PRKG1: variants seen among roughly 807,000 people sequenced by gnomAD.
The protein encoded by PRKG1 is protein kinase cGMP-dependent 1.
In PRKG1, 35 loss-of-function variants were observed where a neutral mutation model predicts 88.1. That is an observed-to-expected ratio of 0.40 (90% CI 0.30 to 0.53). PRKG1 has a LOEUF of 0.53. Ranked by LOEUF, PRKG1 falls within the 20% of genes least tolerant of loss-of-function variation. PRKG1 has a pLI of 0.59. For synonymous variants in PRKG1, 303 were observed against 292.5 expected (o/e 1.04, Z -0.37); for missense variants, 540 against 839.8 (o/e 0.64, Z 4.41).
chr10:51,559,316 T>C (rs1008867122), intron 3 of PRKG1, among the ~76,000 whole-genome samples: 8 of 152,090 alleles, frequency 5.3e-5, no homozygotes, highest in Non-Finnish European at 8.8e-5. Flanking sequence ...GCAGGCTCCA[T>C]TGATTTTCCC....
intron 4 of PRKG1, among the ~76,000 whole-genome samples, chr10:51,806,072 T>C (rs1484831306): frequency 1.3e-5 from 2 of 152,176 alleles, no homozygotes; most frequent in East Asian, 3.8e-4. Context: ...TATGTGTGTG[T>C]ATGATGAAAG....
At chr10:51,205,329 G>T (rs1350783609) in intron 2 of PRKG1, among the ~76,000 whole-genome samples, 2 of 150,030 alleles carry the variant, frequency 1.3e-5, no homozygotes, top group African/African-American at 2.5e-5. Context: ...GTGAGATGGG[G>T]TTTCACCATC....
chr10:51,515,501 A>T (rs1425921346), intron 3 of PRKG1, among the ~76,000 whole-genome samples: 2 of 152,114 alleles, frequency 1.3e-5, no homozygotes. Context: ...CAACCTGAAA[A>T]TTTTTTGCTC....
At chr10:51,368,394 A>T (rs1282408556) in intron 2 of PRKG1, among the ~76,000 whole-genome samples, 1 of 152,018 alleles carries the variant, frequency 6.6e-6, no homozygotes, top group African/African-American at 2.4e-5. Flanking sequence ...CCTGCTATGG[A>T]TGGAGCTTCA....
intron 2 of PRKG1, among the ~76,000 whole-genome samples, chr10:51,388,650 C>T (rs1356326028): frequency 1.3e-5 from 2 of 152,182 alleles, no homozygotes; most frequent in Non-Finnish European, 2.9e-5. Context: ...TCCTAACACT[C>T]AACGATGCCT....
intron 1 of PRKG1, among the ~76,000 whole-genome samples, chr10:51,149,580 T>C (rs980085331): frequency 6.6e-6 from 1 of 152,150 alleles, no homozygotes; most frequent in Non-Finnish European, 1.5e-5. Flanking sequence ...TGGCATTAAA[T>C]TATCTGGGGA....
intron 3 of PRKG1, among the ~76,000 whole-genome samples, chr10:51,507,557 T>C (rs75192857): frequency 6.6e-6 from 1 of 152,108 alleles, no homozygotes; most frequent in South Asian, 2.1e-4. Flanking sequence ...GGAAAGTCCT[T>C]AGTTGCAGTT....
Position 51,297,756 on chromosome 10 carries a change from G to A in PRKG1, c.478+144426G>A, listed in dbSNP as rs531893851. 1.3e-4 allele frequency among the ~76,000 whole-genome samples: 20 copies of A among 152,160 alleles called. No homozygotes were observed. In the East Asian group the frequency reaches 3.7e-3, roughly 28 times the overall value. ...TTTTAAGATGGCATCTTTGCCATAT[G>A]TCTCTTTTTTAACCTTGATATCTTA... On this transcript the variant is annotated intron_variant, in intron 2 of 17. Coordinates refer to ENST00000373980, the MANE Select transcript of PRKG1 (RefSeq NM_006258.4).
chr10:51,254,097 A>G (rs1839493481), intron 2 of PRKG1, among the ~76,000 whole-genome samples: 1 of 152,040 alleles, frequency 6.6e-6, no homozygotes, highest in South Asian at 2.1e-4. Context: ...TTATACACAC[A>G]TACACACACA....
At chr10:52,218,929 G>T (rs1257273558) in intron 9 of PRKG1, among the ~76,000 whole-genome samples, 1 of 152,036 alleles carries the variant, frequency 6.6e-6, no homozygotes, top group Non-Finnish European at 1.5e-5. Context: ...AGAATATTAT[G>T]ACCAGTTTCT....
In PRKG1 at chr10:52,282,261, A is replaced by G. The variant is rs756192634; in HGVS notation, c.1654A>G (p.Ile552Val). 5 of 1,610,876 alleles carry G rather than the reference A, an allele frequency of 3.1e-6. No homozygotes were observed. The highest frequency in any genetic ancestry group is 3.3e-4 in the Middle Eastern group (2 of 6,034). Residue 552 changes from isoleucine to valine, a missense_variant, in exon 14 of 18, where the codon ATT (isoleucine) becomes GTT (valine). Ile to Val is a conservative substitution (Grantham distance 29, BLOSUM62 3). This residue lies in a region of PRKG1 where 97 missense variants were observed against 210.6 expected (regional missense o/e 0.46). Coordinates refer to ENST00000373980, the MANE Select transcript of PRKG1 (RefSeq NM_006258.4). ...GATCATCCTGAACAAAGGCCATGAC[A>G]TTTCAGCCGACTACTGGTCACTGGG... ...PEIILNKGHD[I>V]SADYWSLGIL...
At position 51,566,061 on chromosome 10, in the gene PRKG1, G is replaced by A. The variant is rs896936696; in HGVS notation, c.592+98225G>A. Among the ~76,000 whole-genome samples the A allele has an allele frequency of 3.9e-5, 6 of 152,066 alleles. 1 individual carries two copies. The South Asian group carries it at 1.2e-3, about 31-fold the overall frequency. ...TATATGATAGAGATTAAAGAGTAAA[G>A]TAATTAATATAATGATTGGTATCAC... On this transcript the variant is annotated intron_variant, in intron 3 of 17. Transcript: ENST00000373980.
Position 51,473,198 on chromosome 10 carries a change from GAAAT to G in PRKG1, c.592+5367_592+5370del, listed in dbSNP as rs759558769. ...ATAAATCCAATTATGTAATCCCTGA[GAAAT>G]AAATTAATTTCTTTAATAAAGGAAT... is the stretch of plus-strand genomic sequence containing the variant. On this transcript the variant is annotated intron_variant, in intron 3 of 17. Transcript: ENST00000373980. 1.3e-3 allele frequency among the ~76,000 whole-genome samples: 196 copies of G among 151,846 alleles called. 2 individuals carry two copies. The highest frequency in any genetic ancestry group is 2.1e-3 in the Non-Finnish European group (145 of 67,842).
intron 3 of PRKG1, among the ~76,000 whole-genome samples, chr10:51,772,450 A>G (rs1471845289): frequency 1.3e-5 from 2 of 152,108 alleles, no homozygotes; most frequent in African/African-American, 2.4e-5. Context: ...TTAAACTCAT[A>G]TTAGGTGAAA....
At chr10:51,623,462 A>G (rs1182265858) in intron 3 of PRKG1, among the ~76,000 whole-genome samples, 1 of 152,230 alleles carries the variant, frequency 6.6e-6, no homozygotes, top group Non-Finnish European at 1.5e-5. Context: ...TCAGCCTGCC[A>G]AAGTGCTGGG....
chr10:51,523,268 A>G (rs1841784600), intron 3 of PRKG1, among the ~76,000 whole-genome samples: 1 of 152,198 alleles, frequency 6.6e-6, no homozygotes, highest in Non-Finnish European at 1.5e-5. Flanking sequence ...TTGTCAAAAC[A>G]GTGACTTCTC....
At chr10:52,261,727 T>C (rs1841438769) in intron 10 of PRKG1, among the ~76,000 whole-genome samples, 5 of 152,204 alleles carry the variant, frequency 3.3e-5, no homozygotes, top group Admixed American at 2.6e-4. Context: ...AATCATATGA[T>C]GTTATTGTGC....
intron 7 of PRKG1, among the ~76,000 whole-genome samples, chr10:52,073,392 T>G (rs1195230435): frequency 6.6e-6 from 1 of 152,184 alleles, no homozygotes; most frequent in African/African-American, 2.4e-5. Flanking sequence ...GCCACTTTTC[T>G]CCTCAAAGGC....
At chr10:51,644,901 C>G (rs1589156555) in intron 3 of PRKG1, among the ~76,000 whole-genome samples, 1 of 152,182 alleles carries the variant, frequency 6.6e-6, no homozygotes, top group African/African-American at 2.4e-5. Context: ...GATTCTCCCA[C>G]CTCAGCCTCC....
Sources: gnomAD v4.1 joint callset for allele counts (sites outside exome capture counted in the v4.1 genomes callset) on GRCh38, gnomAD v4.1.1 for gene constraint, gnomAD v4.1.1 regional missense constraint, MANE v1.5 for transcripts, NCBI Gene and HGNC (gene_info 2026-07-23, HGNC 2026-07-21) for gene names.